The following OLFM2 variants were observed in gnomAD, a reference collection of about 807,000 sequenced individuals.
OLFM2 encodes the protein olfactomedin 2.
In OLFM2, 20 loss-of-function variants were observed where a neutral mutation model predicts 43.9. The ratio of observed to expected loss-of-function variants is 0.46; its 90% confidence interval spans 0.32 to 0.66. The LOEUF is 0.66. Among genes scored for constraint, OLFM2 ranks in the 30% least tolerant of loss-of-function variants. The probability of loss-of-function intolerance (pLI) is 0.04; values close to 1 mark genes in which losing one functional copy is unlikely to be tolerated. For missense variants in OLFM2, 416 were observed against 643.6 expected, an observed-to-expected ratio of 0.65 and a Z score of 3.83; for synonymous variants, 268 against 278.6, an observed-to-expected ratio of 0.96 and a Z score of 0.38.
intron 1 of OLFM2, among the ~76,000 whole-genome samples, chr19:9,906,569 G>C (rs1332830085): frequency 6.6e-6 from 1 of 152,054 alleles, no homozygotes; most frequent in African/African-American, 2.4e-5. Flanking sequence ...AGATCCAGGC[G>C]GAGGGGCAGA....
intron 1 of OLFM2, among the ~76,000 whole-genome samples, chr19:9,871,806 G>T (rs2046444873): frequency 6.6e-6 from 1 of 152,146 alleles, no homozygotes; most frequent in Non-Finnish European, 1.5e-5. Context: ...GGGGAGTTTT[G>T]TTTGCTGTGC....
chr19:9,905,734 C>T (rs1223271467), intron 1 of OLFM2, among the ~76,000 whole-genome samples: 3 of 152,192 alleles, frequency 2.0e-5, no homozygotes, highest in Admixed American at 1.3e-4. Context: ...CTTGTCCTGT[C>T]TCTGCTGTTC....
chr19:9,900,709 T>G (rs1218765992), intron 1 of OLFM2, among the ~76,000 whole-genome samples: 1 of 151,136 alleles, frequency 6.6e-6, no homozygotes, highest in Non-Finnish European at 1.5e-5. Context: ...CGGACAACAT[T>G]GTAAAACCCT....
chr19:9,898,720 G>A (rs777331523), intron 1 of OLFM2, among the ~76,000 whole-genome samples: 9 of 151,982 alleles, frequency 5.9e-5, no homozygotes, highest in Non-Finnish European at 8.8e-5. Flanking sequence ...CAGCCACCAC[G>A]CCATTTCTGT....
chr19:9,895,355 G>T (rs1001616907), intron 1 of OLFM2, among the ~76,000 whole-genome samples: 10 of 151,986 alleles, frequency 6.6e-5, no homozygotes, highest in Non-Finnish European at 1.3e-4. Flanking sequence ...AATTAGCGGG[G>T]TGTGGTGGCA....
intron 1 of OLFM2, 66 bp from the exon 2 acceptor site, chr19:9,860,860 A>G (rs2046361417): frequency 2.7e-6 from 4 of 1,508,414 alleles, no homozygotes; most frequent in African/African-American, 2.7e-5. Flanking sequence ...TCACTGGGAC[A>G]GGAAGGGGGC....
intron 1 of OLFM2, among the ~76,000 whole-genome samples, chr19:9,898,415 A>C (rs1469042444): frequency 6.6e-6 from 1 of 151,620 alleles, no homozygotes; most frequent in Non-Finnish European, 1.5e-5. Flanking sequence ...CCAGCTACTT[A>C]GGAGGCTGAG....
rs767950578 is a variant in OLFM2, at chr19:9,854,137, C to G, written c.*49G>C. On this transcript the variant is annotated 3_prime_UTR_variant, in exon 6 of 6. Coordinates refer to ENST00000264833, the MANE Select transcript of OLFM2 (RefSeq NM_058164.4). The surrounding 1 kb of genome is among the most constrained non-coding windows in gnomAD (Gnocchi z 9.5). ...GGACACAGGCAGAATGAAAAGGGCC[C>G]CCAGCCCCCAGAGGCCCCCCAGGCA... is the stretch of plus-strand genomic sequence containing the variant. 6.4e-7 allele frequency: 1 copy of G among 1,563,384 alleles called. No individual in the cohort carries two copies. Among genetic ancestry groups the G allele is most frequent in the Admixed American group, 1.7e-5 (1 of 58,874 alleles).
At chr19:9,935,110 G>C (rs1036290168) in intron 1 of OLFM2, among the ~76,000 whole-genome samples, 2 of 152,108 alleles carry the variant, frequency 1.3e-5, no homozygotes, top group Non-Finnish European at 2.9e-5. Flanking sequence ...CTGCGCCTCA[G>C]TTTCCCCATC....
intron 1 of OLFM2, among the ~76,000 whole-genome samples, chr19:9,889,390 A>G (rs1336777355): frequency 6.6e-6 from 1 of 152,098 alleles, no homozygotes; most frequent in East Asian, 1.9e-4. Flanking sequence ...CTGGGACTAC[A>G]GGTGCATGCC....
intron 1 of OLFM2, among the ~76,000 whole-genome samples, chr19:9,926,327 C>T (rs968501714): frequency 4.7e-5 from 7 of 147,812 alleles, no homozygotes; most frequent in African/African-American, 1.2e-4. Context: ...CTGAGGCGGG[C>T]GGATCACGAG....
At chr19:9,906,503 T>C (rs1422062415) in intron 1 of OLFM2, among the ~76,000 whole-genome samples, 2 of 152,028 alleles carry the variant, frequency 1.3e-5, no homozygotes, top group African/African-American at 4.8e-5. Flanking sequence ...ACCTTAGCTG[T>C]GTTTCTGATC....
chr19:9,868,361 C>T (rs2046418408), intron 1 of OLFM2, among the ~76,000 whole-genome samples: 1 of 152,070 alleles, frequency 6.6e-6, no homozygotes, highest in African/African-American at 2.4e-5. Flanking sequence ...CACGCCTGGC[C>T]CAGGCTAATT....
intron 1 of OLFM2, among the ~76,000 whole-genome samples, chr19:9,863,105 G>T (rs558691122): frequency 1.3e-5 from 2 of 152,224 alleles, no homozygotes; most frequent in East Asian, 3.9e-4. Context: ...CCTGAAGGAA[G>T]TGAGGGAGGA....
intron 1 of OLFM2, among the ~76,000 whole-genome samples, chr19:9,912,372 G>A (rs1371076603): frequency 6.6e-6 from 1 of 152,102 alleles, no homozygotes; most frequent in Non-Finnish European, 1.5e-5. Context: ...TCCCATCAAG[G>A]AGAAAGAAGC....
intron 1 of OLFM2, among the ~76,000 whole-genome samples, chr19:9,935,897 T>G (rs2086511723): frequency 6.6e-6 from 1 of 152,082 alleles, no homozygotes; most frequent in Admixed American, 6.5e-5. Flanking sequence ...CACTGGGGGC[T>G]GCAGGCGAGG....
chr19:9,904,184 G>GTGTGTA, intron 1 of OLFM2, among the ~76,000 whole-genome samples: 1 of 151,222 alleles, frequency 6.6e-6, no homozygotes, highest in African/African-American at 2.4e-5. Flanking sequence ...GTGTGTGTGT[G>GTGTGTA]TGTGTGTGTG....
chr19:9,913,543 C>T (rs2144993841), intron 1 of OLFM2: 1 of 1,227,050 alleles, frequency 8.1e-7, no homozygotes, highest in Non-Finnish European at 1.0e-6. Flanking sequence ...GCGAGGGCAG[C>T]GTCTGCGACA....
At chr19:9,898,446 C>T (rs530892502) in intron 1 of OLFM2, among the ~76,000 whole-genome samples, 4 of 151,676 alleles carry the variant, frequency 2.6e-5, no homozygotes, top group Admixed American at 6.6e-5. Context: ...TGCTTGAACC[C>T]GGGAGGTGGA....
Sources: gnomAD v4.1 joint callset for allele counts (sites outside exome capture counted in the v4.1 genomes callset) on GRCh38, gnomAD v4.1.1 for gene constraint, Gnocchi (gnomAD v3.1) non-coding constraint, MANE v1.5 for transcripts, NCBI Gene and HGNC (gene_info 2026-07-23, HGNC 2026-07-21) for gene names.